SNCG: variants seen among roughly 807,000 people sequenced by gnomAD.
SNCG encodes the protein gamma-synuclein.
SNCG carries 13 observed loss-of-function variants against 16.0 expected under a neutral mutation model. That is an observed-to-expected ratio of 0.81 (90% CI 0.53 to 1.29). The LOEUF is 1.29. Among genes scored for constraint, SNCG ranks in the 50% most tolerant of loss-of-function variants. SNCG has a pLI of 0.00. For missense variants in SNCG, 154 were observed against 168.5 expected (o/e 0.91, Z 0.48); for synonymous variants, 66 against 66.3 (o/e 1.00, Z 0.02).
At chr10:86,958,282 G>A (rs1009563351), upstream of SNCG, 1 of 981,896 alleles carries the variant, frequency 1.0e-6, no homozygotes, top group South Asian at 4.7e-5. Flanking sequence ...TCCAGGTGCA[G>A]CATAGACACA....
At chr10:86,957,381 C>T, upstream of SNCG, 1 of 1,613,074 alleles carries the variant, frequency 6.2e-7, no homozygotes, top group East Asian at 2.2e-5. Context: ...CTCTTACCGT[C>T]CTACGGGGTC....
upstream of SNCG, among the ~76,000 whole-genome samples, chr10:86,957,213 C>T (rs1187564252): frequency 6.6e-6 from 1 of 152,240 alleles, no homozygotes; most frequent in African/African-American, 2.4e-5. Flanking sequence ...GATCCTGAAA[C>T]ACCCAGTCCA....
chr10:86,958,525 CTG>C, upstream of SNCG: 1 of 1,294,094 alleles, frequency 7.7e-7, no homozygotes, highest in Non-Finnish European at 9.9e-7. Flanking sequence ...CCCGCCCCCA[CTG>C]CACGCAGGGC....
chr10:86,958,497 T>TGCCAACCCAC, upstream of SNCG: 2 of 1,098,156 alleles, frequency 1.8e-6, no homozygotes, highest in Non-Finnish European at 2.3e-6. Flanking sequence ...TGAACCTCCT[T>TGCCAACCCAC]CCCTCCCTCC....
In SNCG at chr10:86,959,760, C is replaced by G. The variant is rs1844308066; in HGVS notation, c.163+86C>G. The G allele has an allele frequency of 7.3e-7, 1 of 1,372,298 alleles. No homozygotes were observed. Among genetic ancestry groups the G allele is most frequent in the Non-Finnish European group, 9.9e-7 (1 of 1,006,750 alleles). 85.0% of individuals were successfully genotyped at this position (1,372,298 alleles called of 1,614,324 possible). On this transcript the variant is annotated intron_variant, in intron 2 of 4. Coordinates refer to ENST00000372017, the MANE Select transcript of SNCG (RefSeq NM_003087.3). This position sits in a 1 kb window ranked among gnomAD's most constrained non-coding sequence, Gnocchi z 4.3. ...TAGTGCTGGGGCTCAAACCTAGAGT[C>G]CTGCCTTACCCCCAACTGGGGTCCC... is the stretch of plus-strand genomic sequence containing the variant.
rs1305179184 is a variant in SNCG at position 86,962,956 on chromosome 10, C to T, written c.364-9C>T. On this transcript the variant is annotated splice_polypyrimidine_tract_variant and intron_variant, in intron 4 of 4. Transcript: ENST00000372017. ...TGGAGCTGGGTGTGCAGGTCATTCTCTCTCCCAGGCCCAGAGTGGGGGAGA... is the reference window on the plus strand; with the variant it reads ...TGGAGCTGGGTGTGCAGGTCATTCTTTCTCCCAGGCCCAGAGTGGGGGAGA... 1 of 1,601,544 alleles carries T rather than the reference C, an allele frequency of 6.2e-7. No individual in the cohort carries two copies. The highest frequency in any genetic ancestry group is 8.5e-7 in the Non-Finnish European group (1 of 1,175,088).
chr10:86,957,284 T>A, upstream of SNCG: 1 of 1,326,290 alleles, frequency 7.5e-7, no homozygotes, highest in Non-Finnish European at 1.1e-6. Context: ...ATTTCACAGA[T>A]GGGACCCCAG....
chr10:86,959,718 C>G lies in SNCG; in HGVS notation c.163+44C>G, dbSNP rs780654332. The G allele has an allele frequency of 6.5e-7, 1 of 1,537,150 alleles. No homozygotes were observed. The highest frequency in any genetic ancestry group is 1.2e-5 in the South Asian group (1 of 81,010). On this transcript the variant is annotated intron_variant, in intron 2 of 4. Transcript: ENST00000372017. The surrounding 1 kb of genome is among the most constrained non-coding windows in gnomAD (Gnocchi z 4.3). Reference sequence around the variant, plus strand: ...AGGGGACACATGGGGGATAGGACCCCTGGGGCTCCTGCATCCTAGTGCTGG... The same window carrying G: ...AGGGGACACATGGGGGATAGGACCCGTGGGGCTCCTGCATCCTAGTGCTGG...
chr10:86,958,953 C>A, intron 1 of SNCG, 135 bp downstream of exon 1: 1 of 949,670 alleles, frequency 1.1e-6, no homozygotes, highest in Non-Finnish European at 1.6e-6. Context: ...AAGGTGGGGT[C>A]TCCAGACCCT....
chr10:86,958,500 C>CCACCA, upstream of SNCG: 2 of 1,098,590 alleles, frequency 1.8e-6, no homozygotes, highest in Non-Finnish European at 2.3e-6. Flanking sequence ...ACCTCCTTCC[C>CCACCA]TCCCTCCCTC....
intron 3 of SNCG, among the ~76,000 whole-genome samples, chr10:86,960,800 T>C (rs1378091168): frequency 6.6e-6 from 1 of 152,248 alleles, no homozygotes; most frequent in African/African-American, 2.4e-5. Flanking sequence ...GGGTGTTGGC[T>C]GGGTGAGCTG....
At chr10:86,957,888 CAGGAAGTGG>C (rs1844263427), upstream of SNCG, 5 of 1,099,308 alleles carry the variant, frequency 4.5e-6, no homozygotes, top group Non-Finnish European at 5.5e-6. Context: ...GGTGGGGCCA[CAGGAAGTGG>C]TCAGGTCCAT....
At position 86,959,743 on chromosome 10, in the gene SNCG, G is replaced by A; in HGVS notation, c.163+69G>A. 1 of 1,467,102 alleles carries A rather than the reference G, an allele frequency of 6.8e-7. No individual in the cohort carries two copies. Among genetic ancestry groups the A allele is most frequent in the Non-Finnish European group, 9.3e-7 (1 of 1,079,716 alleles). The allele number at this position is 1,467,102 out of a possible 1,614,324, so 90.9% of individuals were successfully genotyped here. ...CTGGGGCTCCTGCATCCTAGTGCTG[G>A]GGCTCAAACCTAGAGTCCTGCCTTA... On this transcript the variant is annotated intron_variant, in intron 2 of 4. Coordinates refer to ENST00000372017, the MANE Select transcript of SNCG (RefSeq NM_003087.3). The surrounding 1 kb of genome is among the most constrained non-coding windows in gnomAD (Gnocchi z 4.3).
At chr10:86,960,246 T>G (rs556881808) in intron 3 of SNCG, 118 bp downstream of exon 3, 2 of 988,986 alleles carry the variant, frequency 2.0e-6, no homozygotes, top group Admixed American at 2.6e-5. Context: ...TGCGGCTGGC[T>G]TCAGTTTCAG....
chr10:86,956,435 C>T (rs914655355), upstream of SNCG, among the ~76,000 whole-genome samples: 3 of 151,582 alleles, frequency 2.0e-5, no homozygotes, highest in Non-Finnish European at 4.4e-5. Flanking sequence ...TGTAAGTTGG[C>T]CCCCCCCTCA....
upstream of SNCG, chr10:86,957,784 A>T: frequency 7.6e-7 from 1 of 1,312,442 alleles, no homozygotes; most frequent in Non-Finnish European, 9.7e-7. Flanking sequence ...TGGCTCAGGG[A>T]CTCTGGGAAT....
At chr10:86,961,886 G>C (rs1844358320) in intron 3 of SNCG, among the ~76,000 whole-genome samples, 1 of 152,234 alleles carries the variant, frequency 6.6e-6, no homozygotes, top group African/African-American at 2.4e-5. Context: ...TCCCCCGCCA[G>C]AGGCAGGTGC....
chr10:86,963,128 TC>T lies in SNCG; in HGVS notation c.*145del. The T allele has an allele frequency of 4.0e-6, 3 of 758,034 alleles. No homozygotes were observed. The highest frequency in any genetic ancestry group is 6.1e-6 in the Non-Finnish European group (3 of 488,936). The allele number at this position is 758,034 out of a possible 1,614,324, so 47.0% of individuals were successfully genotyped here. On this transcript the variant is annotated 3_prime_UTR_variant, in exon 5 of 5. Transcript: ENST00000372017. The stretch of plus-strand genomic sequence containing the variant: ...CGTCTCCCTGGCCACCCTTGGCCTG[TC>T]CACCTGTGCTGCTGCACCAACCTCA...
upstream of SNCG, chr10:86,958,137 G>A: frequency 1.0e-6 from 1 of 985,362 alleles, no homozygotes; most frequent in Non-Finnish European, 1.2e-6. Flanking sequence ...CGGCATCCAG[G>A]ATGCTGGTGG....
Sources: gnomAD v4.1 joint callset for allele counts (sites outside exome capture counted in the v4.1 genomes callset) on GRCh38, gnomAD v4.1.1 for gene constraint, Gnocchi (gnomAD v3.1) non-coding constraint, MANE v1.5 for transcripts, NCBI Gene and HGNC (gene_info 2026-07-23, HGNC 2026-07-21) for gene names.